HTR7: variants seen among roughly 807,000 people sequenced by gnomAD.
The protein encoded by HTR7 is 5-hydroxytryptamine receptor 7.
A neutral mutation model predicts 34.0 loss-of-function variants in HTR7; 16 were observed. The ratio of observed to expected loss-of-function variants is 0.47; its 90% CI spans 0.32 to 0.71. The LOEUF (loss-of-function observed/expected upper bound fraction) is 0.71. Among genes scored for constraint, HTR7 ranks in the 30% least tolerant of loss-of-function variants. The pLI, the probability that HTR7 is intolerant of heterozygous loss-of-function variation, is 0.04. For synonymous variants in HTR7, 265 were observed against 260.2 expected, an observed-to-expected ratio of 1.02 and a Z score of -0.18; for missense variants, 504 against 625.5, an observed-to-expected ratio of 0.81 and a Z score of 2.07.
At chr10:90,848,632 T>C (rs1346364018) in intron 1 of HTR7, among the ~76,000 whole-genome samples, 1 of 152,232 alleles carries the variant, frequency 6.6e-6, no homozygotes, top group Non-Finnish European at 1.5e-5. Context: ...AAATCGACCA[T>C]AAGTTGATCA....
chr10:90,834,530 G>C (rs1453638256), intron 1 of HTR7, among the ~76,000 whole-genome samples: 1 of 152,144 alleles, frequency 6.6e-6, no homozygotes, highest in Admixed American at 6.5e-5. Flanking sequence ...AGTCCAGGCA[G>C]GTTCAGATCA....
chr10:90,849,276 C>T (rs1028424386), intron 1 of HTR7, among the ~76,000 whole-genome samples: 1 of 152,112 alleles, frequency 6.6e-6, no homozygotes, highest in African/African-American at 2.4e-5. Context: ...TTTATAATCC[C>T]ACTAGTAATG....
intron 1 of HTR7, among the ~76,000 whole-genome samples, chr10:90,849,622 A>C (rs1165240275): frequency 6.6e-6 from 1 of 152,354 alleles, no homozygotes; most frequent in East Asian, 1.9e-4. Context: ...ACATGTGCTA[A>C]AGAGTGAATT....
At chr10:90,806,598 C>CA (rs1012286990) in intron 1 of HTR7, among the ~76,000 whole-genome samples, 28 of 147,434 alleles carry the variant, frequency 1.9e-4, no homozygotes, top group Non-Finnish European at 3.0e-4. Context: ...GACTCCATCT[C>CA]AAAAAAAACA....
chr10:90,803,058 T>C (rs1402988635), intron 1 of HTR7, among the ~76,000 whole-genome samples: 1 of 142,776 alleles, frequency 7.0e-6, no homozygotes, highest in Non-Finnish European at 1.5e-5. Context: ...AGCAGATCCA[T>C]ATGGGCCTAA....
intron 1 of HTR7, among the ~76,000 whole-genome samples, chr10:90,818,490 G>C (rs1845931579): frequency 1.3e-5 from 2 of 152,008 alleles, no homozygotes; most frequent in African/African-American, 4.8e-5. Context: ...AGGTTGCAGT[G>C]AGCCGAGATC....
chr10:90,819,666 C>G (rs1202540924), intron 1 of HTR7, among the ~76,000 whole-genome samples: 1 of 152,166 alleles, frequency 6.6e-6, no homozygotes. Context: ...TTCTCTGACA[C>G]TGGATTTAGT....
At chr10:90,846,937 G>T (rs1429801372) in intron 1 of HTR7, among the ~76,000 whole-genome samples, 3 of 152,214 alleles carry the variant, frequency 2.0e-5, no homozygotes, top group African/African-American at 7.2e-5. Context: ...CCCTCACTCA[G>T]AATGCCTTCC....
intron 1 of HTR7, among the ~76,000 whole-genome samples, chr10:90,779,410 T>C (rs76164001): frequency 0.015 from 2,349 of 152,328 alleles, 70 homozygotes; most frequent in African/African-American, 0.053. Flanking sequence ...TTCCCTGCTC[T>C]GACCCTGCGT....
intron 1 of HTR7, among the ~76,000 whole-genome samples, chr10:90,787,451 C>A (rs1451815096): frequency 6.6e-6 from 1 of 151,888 alleles, no homozygotes; most frequent in Non-Finnish European, 1.5e-5. Flanking sequence ...GGGATCACGC[C>A]ACTGCACTCC....
chr10:90,786,093 G>T (rs1589449744), intron 1 of HTR7, among the ~76,000 whole-genome samples: 1 of 152,152 alleles, frequency 6.6e-6, no homozygotes, highest in Admixed American at 6.5e-5. Flanking sequence ...CATATGTCGG[G>T]TTTATCTCTA....
intron 2 of HTR7, 62 bp from the exon 3 acceptor site, chr10:90,743,752 A>T (rs964640230): frequency 1.0e-5 from 13 of 1,244,390 alleles, no homozygotes; most frequent in Non-Finnish European, 1.5e-5. Flanking sequence ...AGAAAAAAAG[A>T]ATCCTTGATT....
At chr10:90,823,412 A>G (rs1176234619) in intron 1 of HTR7, among the ~76,000 whole-genome samples, 1 of 152,206 alleles carries the variant, frequency 6.6e-6, no homozygotes, top group African/African-American at 2.4e-5. Flanking sequence ...CATAGAGCCT[A>G]TTTGTTTCGG....
chr10:90,780,666 A>G (rs930972042), intron 1 of HTR7, among the ~76,000 whole-genome samples: 2 of 152,166 alleles, frequency 1.3e-5, no homozygotes, highest in Non-Finnish European at 2.9e-5. Context: ...AAACAGTGAG[A>G]GGCACAACAC....
At position 90,857,919 on chromosome 10, in the gene HTR7, G is replaced by A. The variant is rs1443447266; in HGVS notation, c.-248C>T. ...GGAGGCGCTTCGGCCCCCGACGGAC[G>A]CCTGGGACGCGCGGAGTCGAGGGAG... On this transcript the variant is annotated 5_prime_UTR_variant, in exon 1 of 4. Coordinates refer to ENST00000336152, the MANE Select transcript of HTR7 (RefSeq NM_019859.4). This position sits in a 1 kb window ranked among gnomAD's most constrained non-coding sequence, Gnocchi z 6.5. 2.0e-5 allele frequency among the ~76,000 whole-genome samples: 3 copies of A among 151,272 alleles called. No homozygotes were observed. The highest frequency in any genetic ancestry group is 4.4e-5 in the Non-Finnish European group (3 of 67,694).
intron 1 of HTR7, among the ~76,000 whole-genome samples, chr10:90,821,675 G>A (rs897022395): frequency 6.6e-5 from 10 of 152,300 alleles, no homozygotes; most frequent in South Asian, 2.1e-4. Flanking sequence ...GGGAATTGAC[G>A]TGGTTTGATG....
At chr10:90,805,307 C>G (rs772680144) in intron 1 of HTR7, among the ~76,000 whole-genome samples, 2 of 152,124 alleles carry the variant, frequency 1.3e-5, no homozygotes, top group African/African-American at 2.4e-5. Context: ...CACCCTGAAG[C>G]CAGTTATCTA....
chr10:90,857,304 AG>A lies in HTR7; in HGVS notation c.367del (p.Leu123TrpfsTer49). ...AGCCACCGAGAGGTCGGCCAGCGCCAGGGACACGATCAGGTAGTTGGAGGGC... is the reference window on the plus strand; with the variant it reads ...AGCCACCGAGAGGTCGGCCAGCGCCAGGACACGATCAGGTAGTTGGAGGGC... ...RQPSNYLIVS[L>X]ALADLSVAVA... is the part of the protein sequence containing the mutation. On this transcript the variant is annotated frameshift_variant, in exon 1 of 4. Transcript: ENST00000336152. LOFTEE classifies it high-confidence loss of function. This position sits in a 1 kb window ranked among gnomAD's most constrained non-coding sequence, Gnocchi z 6.5. The A allele has an allele frequency of 6.2e-7, 1 of 1,613,916 alleles. No homozygotes were observed. Among genetic ancestry groups the A allele is most frequent in the Non-Finnish European group, 8.5e-7 (1 of 1,180,002 alleles).
At chr10:90,829,069 C>G (rs1846126314) in intron 1 of HTR7, among the ~76,000 whole-genome samples, 1 of 152,054 alleles carries the variant, frequency 6.6e-6, no homozygotes, top group African/African-American at 2.4e-5. Flanking sequence ...GGGATTTATC[C>G]CAGGTATGCA....
Sources: allele counts gnomAD v4.1 joint callset (sites outside exome capture counted in the v4.1 genomes callset), GRCh38; gene constraint gnomAD v4.1.1; non-coding constraint Gnocchi (gnomAD v3.1); transcripts MANE v1.5; gene names NCBI Gene and HGNC (gene_info 2026-07-23, HGNC 2026-07-21).